Variants in ADGRV1 observed in about 807,000 individuals in gnomAD.
ADGRV1 encodes G-protein coupled receptor 98.
A neutral mutation model predicts 596.2 loss-of-function variants in ADGRV1; 359 were observed. That is an observed-to-expected ratio of 0.60 (90% CI 0.55 to 0.66). The LOEUF is 0.66. ADGRV1 is among the 30% of genes least tolerant of loss of function. The pLI is 0.00. For synonymous variants in ADGRV1, 2,681 were observed against 2,679.2 expected, an observed-to-expected ratio of 1.00 and a Z score of -0.02; for missense variants, 7,274 against 7,575.6, an observed-to-expected ratio of 0.96 and a Z score of 1.48.
chr5:91,115,409 A>G (rs1030551523), intron 87 of ADGRV1, among the ~76,000 whole-genome samples: 7 of 152,194 alleles, frequency 4.6e-5, no homozygotes, highest in African/African-American at 1.4e-4. Context: ...ATACCTTTTA[A>G]GGCATATACT....
chr5:91,057,453 G>T (rs1786990788), intron 85 of ADGRV1, among the ~76,000 whole-genome samples: 1 of 152,152 alleles, frequency 6.6e-6, no homozygotes, highest in African/African-American at 2.4e-5. Flanking sequence ...TTAATGAGAA[G>T]AAATTTAGAA....
At chr5:90,872,347 T>G (rs1202493923) in intron 83 of ADGRV1, among the ~76,000 whole-genome samples, 2 of 152,138 alleles carry the variant, frequency 1.3e-5, no homozygotes, top group African/African-American at 4.8e-5. Flanking sequence ...TTGCTTGTGT[T>G]GAATTGTTAT....
intron 83 of ADGRV1, among the ~76,000 whole-genome samples, chr5:90,907,351 AT>A (rs1017144809): frequency 6.6e-6 from 1 of 152,168 alleles, no homozygotes. Context: ...AATAAATATT[AT>A]TTTTTGTCCA....
chr5:91,067,247 G>C (rs960760266), intron 85 of ADGRV1, among the ~76,000 whole-genome samples: 6 of 149,806 alleles, frequency 4.0e-5, no homozygotes, highest in Non-Finnish European at 7.4e-5. Context: ...GGGTTCGTGT[G>C]ATTCTCCTGC....
chr5:90,891,350 G>A (rs1267033155), intron 83 of ADGRV1, among the ~76,000 whole-genome samples: 1 of 151,190 alleles, frequency 6.6e-6, no homozygotes, highest in Non-Finnish European at 1.5e-5. Flanking sequence ...AGGTAATATC[G>A]AAATAGCTTT....
At chr5:90,961,508 G>GGT (rs1397784676) in intron 83 of ADGRV1, among the ~76,000 whole-genome samples, 1 of 39,778 alleles carries the variant, frequency 2.5e-5, no homozygotes, top group African/African-American at 9.7e-5. Context: ...AAAAAAAAAA[G>GGT]GGGGGGTGGC....
At chr5:90,942,006 A>G (rs1414322103) in intron 83 of ADGRV1, among the ~76,000 whole-genome samples, 1 of 152,232 alleles carries the variant, frequency 6.6e-6, no homozygotes, top group East Asian at 1.9e-4. Flanking sequence ...TCTTTGGTAG[A>G]TACCCATGGG....
At chr5:90,923,678 G>A (rs1239224622) in intron 83 of ADGRV1, among the ~76,000 whole-genome samples, 7 of 151,994 alleles carry the variant, frequency 4.6e-5, no homozygotes, top group East Asian at 3.9e-4. Context: ...TGTGCACATC[G>A]TGCAGGTTAG....
At chr5:90,986,011 A>G (rs930132725) in intron 85 of ADGRV1, among the ~76,000 whole-genome samples, 1 of 151,742 alleles carries the variant, frequency 6.6e-6, no homozygotes, top group African/African-American at 2.4e-5. Flanking sequence ...CCTTGGTCTT[A>G]GATATTCTTA....
intron 77 of ADGRV1, among the ~76,000 whole-genome samples, chr5:90,837,284 A>G (rs1327446328): frequency 6.6e-6 from 1 of 152,222 alleles, no homozygotes; most frequent in African/African-American, 2.4e-5. Flanking sequence ...AGCTGAAAGC[A>G]CACAAGTTCA....
intron 83 of ADGRV1, among the ~76,000 whole-genome samples, chr5:90,956,877 G>T (rs1777528663): frequency 6.6e-6 from 1 of 152,152 alleles, no homozygotes; most frequent in East Asian, 1.9e-4. Flanking sequence ...TGTGACATCT[G>T]TGGAAAGAGC....
At chr5:90,997,211 A>C (rs1406668283) in intron 85 of ADGRV1, among the ~76,000 whole-genome samples, 1 of 152,140 alleles carries the variant, frequency 6.6e-6, no homozygotes, top group Non-Finnish European at 1.5e-5. Context: ...CTCAAATCTC[A>C]CGTTGAATTC....
Position 90,853,159 on chromosome 5 carries a change from G to A in ADGRV1, c.17205-125G>A, listed in dbSNP as rs1766696826. 4.6e-6 allele frequency: 4 copies of A among 875,446 alleles called. No homozygotes were observed. In the South Asian group the frequency reaches 6.9e-5, roughly 15 times the overall value. The allele number at this position is 875,446 out of a possible 1,614,324, so 54.2% of individuals were successfully genotyped here. A position where few individuals can be genotyped will look rare whatever the true frequency, so the allele number is the denominator to read the frequency against. Reference sequence around the variant, plus strand: ...AGGCACATTCTATTTACTGCTTCTGGGTTTGTTGTGTTATTGTTATACATG... The same window carrying A: ...AGGCACATTCTATTTACTGCTTCTGAGTTTGTTGTGTTATTGTTATACATG... On this transcript the variant is annotated intron_variant, in intron 79 of 89. Coordinates refer to ENST00000405460, the MANE Select transcript of ADGRV1 (RefSeq NM_032119.4).
Position 90,618,042 on chromosome 5 carries a change from A to G in ADGRV1, c.357+89A>G, listed in dbSNP as rs1763591082. ...TTAGTGCTTAACAATCTATCTATCT[A>G]GAGATGAGCCAATTCAGATAACTGG... On this transcript the variant is annotated intron_variant, in intron 3 of 89. Coordinates refer to ENST00000405460, the MANE Select transcript of ADGRV1 (RefSeq NM_032119.4). 4 of 969,244 alleles carry G rather than the reference A, an allele frequency of 4.1e-6. No individual in the cohort carries two copies. The African/African-American group carries it at 5.0e-5, about 12-fold the overall frequency. The allele number at this position is 969,244 out of a possible 1,614,324, so 60.0% of individuals were successfully genotyped here. A position where few individuals can be genotyped will look rare whatever the true frequency, so the allele number is the denominator to read the frequency against.
At chr5:90,829,736 G>A (rs982607357) in intron 77 of ADGRV1, among the ~76,000 whole-genome samples, 2 of 152,120 alleles carry the variant, frequency 1.3e-5, no homozygotes, top group African/African-American at 4.8e-5. Flanking sequence ...TCACCAGACC[G>A]TGGGCTTGGC....
intron 87 of ADGRV1, among the ~76,000 whole-genome samples, chr5:91,135,595 T>A (rs1321407830): frequency 6.6e-6 from 1 of 152,242 alleles, no homozygotes; most frequent in Non-Finnish European, 1.5e-5. Context: ...TCATAGAAGC[T>A]GTTCCTGTAG....
chr5:90,594,377 G>A (rs373917560), intron 1 of ADGRV1, among the ~76,000 whole-genome samples: 49 of 151,896 alleles, frequency 3.2e-4, no homozygotes, highest in African/African-American at 1.2e-3. Flanking sequence ...GGACATGTTT[G>A]CTGCTTCTTC....
At chr5:90,642,270 C>T (rs1467607126) in intron 11 of ADGRV1, among the ~76,000 whole-genome samples, 1 of 152,056 alleles carries the variant, frequency 6.6e-6, no homozygotes, top group African/African-American at 2.4e-5. Context: ...TATCTTCTAA[C>T]TACATGTTAC....
chr5:90,571,751 CT>C (rs1756553639), intron 1 of ADGRV1, among the ~76,000 whole-genome samples: 1 of 152,114 alleles, frequency 6.6e-6, no homozygotes, highest in Admixed American at 6.5e-5. Context: ...CCTTCAGTGG[CT>C]GCCAGGATGC....
Sources: gnomAD v4.1 joint callset for allele counts (sites outside exome capture counted in the v4.1 genomes callset) on GRCh38, gnomAD v4.1.1 for gene constraint, MANE v1.5 for transcripts, NCBI Gene and HGNC (gene_info 2026-07-23, HGNC 2026-07-21) for gene names.